The following MSH3 variants were observed in gnomAD, a reference collection of about 807,000 sequenced individuals.
MSH3 encodes mutS homolog 3, also known as DNA mismatch repair protein Msh3.
Under a neutral mutation model 123.3 loss-of-function variants are expected in MSH3, and 106 were observed. The ratio of observed to expected loss-of-function variants is 0.86; its 90% confidence interval spans 0.73 to 1.01. The LOEUF is 1.01. Among genes scored for constraint, MSH3 ranks in the 50% least tolerant of loss-of-function variants. The probability of loss-of-function intolerance (pLI) is 0.00; values close to 1 mark genes in which losing one functional copy is unlikely to be tolerated. For missense variants in MSH3, 1,459 were observed against 1,347.6 expected, an observed-to-expected ratio of 1.08 and a Z score of -1.29; for synonymous variants, 515 against 481.4, an observed-to-expected ratio of 1.07 and a Z score of -0.91.
At chr5:80,666,043 TAA>T (rs1749561016) in intron 3 of MSH3, among the ~76,000 whole-genome samples, 1 of 148,722 alleles carries the variant, frequency 6.7e-6, no homozygotes, top group South Asian at 2.1e-4. Flanking sequence ...GGATATTTTT[TAA>T]AAGTTTACAT....
chr5:80,738,947 A>G (rs1743563368), intron 10 of MSH3, among the ~76,000 whole-genome samples: 2 of 152,354 alleles, frequency 1.3e-5, no homozygotes, highest in South Asian at 2.1e-4. Context: ...AGAAGGTGCC[A>G]TCTATGGGGA....
In MSH3 at chr5:80,674,972, A is replaced by C. The variant is rs1393166444; in HGVS notation, c.1028-11A>C. The C allele has an allele frequency of 6.4e-7, 1 of 1,562,594 alleles. No homozygotes were observed. The highest frequency in any genetic ancestry group is 8.7e-7 in the Non-Finnish European group (1 of 1,143,080). On this transcript the variant is annotated splice_polypyrimidine_tract_variant and intron_variant, in intron 6 of 23. Transcript: ENST00000265081. ...TTTAGCATATAATTATTTTTCTTTA[A>C]TTATTATTAAATGTGAATCCCCTAA...
chr5:80,809,880 A>G (rs1270655417), intron 19 of MSH3, among the ~76,000 whole-genome samples: 1 of 152,182 alleles, frequency 6.6e-6, no homozygotes, highest in Non-Finnish European at 1.5e-5. Context: ...ATGGTGATCC[A>G]TGAAATAACT....
At chr5:80,730,802 G>A (rs1402113711) in intron 10 of MSH3, among the ~76,000 whole-genome samples, 6 of 150,106 alleles carry the variant, frequency 4.0e-5, no homozygotes, top group African/African-American at 1.5e-4. Flanking sequence ...GTTGGGATAA[G>A]GAAACTAACT....
At chr5:80,746,363 C>G in intron 12 of MSH3, 2 of 393,724 alleles carry the variant, frequency 5.1e-6, no homozygotes, top group South Asian at 3.9e-5. Context: ...CGCTGGTTCG[C>G]TTGGCATACC....
At chr5:80,677,799 A>G (rs190826240) in intron 7 of MSH3, among the ~76,000 whole-genome samples, 1 of 152,300 alleles carries the variant, frequency 6.6e-6, no homozygotes, top group Non-Finnish European at 1.5e-5. Flanking sequence ...ACCATTTTGT[A>G]TGTGAGATTT....
intron 9 of MSH3, among the ~76,000 whole-genome samples, chr5:80,728,069 GT>G (rs1743335899): frequency 2.0e-5 from 3 of 152,282 alleles, no homozygotes; most frequent in Admixed American, 2.0e-4. Flanking sequence ...AGAACATTAG[GT>G]GAGCTCAGAA....
chr5:80,657,272 C>T (rs946694086), intron 2 of MSH3, among the ~76,000 whole-genome samples: 1 of 152,124 alleles, frequency 6.6e-6, no homozygotes, highest in Admixed American at 6.5e-5. Context: ...GAAATCCCAT[C>T]TCCACTAAAA....
chr5:80,809,525 C>T (rs780335723), intron 19 of MSH3, among the ~76,000 whole-genome samples: 1 of 151,976 alleles, frequency 6.6e-6, no homozygotes, highest in South Asian at 2.1e-4. Flanking sequence ...TCTAAACTAC[C>T]GATTTAAAAA....
At chr5:80,767,557 T>A (rs562207168) in intron 13 of MSH3, among the ~76,000 whole-genome samples, 3 of 152,284 alleles carry the variant, frequency 2.0e-5, no homozygotes, top group Non-Finnish European at 4.4e-5. Context: ...CATCTTTTTC[T>A]TGTCAATTTG....
chr5:80,799,282 G>A (rs1204104187), intron 19 of MSH3, among the ~76,000 whole-genome samples: 1 of 152,010 alleles, frequency 6.6e-6, no homozygotes, highest in Non-Finnish European at 1.5e-5. Context: ...GTTCACCTTG[G>A]GTTAAAAGTG....
At chr5:80,821,700 C>A in intron 20 of MSH3, among the ~76,000 whole-genome samples, 1 of 152,206 alleles carries the variant, frequency 6.6e-6, no homozygotes, top group East Asian at 1.9e-4. Flanking sequence ...TGTGTCCCTG[C>A]ATATTCTTAC....
Position 80,735,213 on chromosome 5 carries a change from G to A in MSH3, c.1568+6248G>A, listed in dbSNP as rs139263042. On this transcript the variant is annotated intron_variant, in intron 10 of 23. Transcript: ENST00000265081. Reference sequence around the variant, plus strand: ...AGCCTTGCCAACATGGCGAAACCCCGTCTCTACTGAAAATACAAAAATTAG... The same window carrying A: ...AGCCTTGCCAACATGGCGAAACCCCATCTCTACTGAAAATACAAAAATTAG... 1.9e-3 allele frequency among the ~76,000 whole-genome samples: 292 copies of A among 151,822 alleles called. 2 individuals are homozygous for A. Among genetic ancestry groups the A allele is most frequent in the African/African-American group, 6.0e-3 (249 of 41,396 alleles).
chr5:80,868,321 A>G (rs1746140012), intron 22 of MSH3, among the ~76,000 whole-genome samples: 1 of 151,992 alleles, frequency 6.6e-6, no homozygotes. Context: ...ATGCACACGT[A>G]TGTTCATTGC....
At chr5:80,789,083 C>A (rs1744564685) in intron 18 of MSH3, among the ~76,000 whole-genome samples, 1 of 152,156 alleles carries the variant, frequency 6.6e-6, no homozygotes, top group African/African-American at 2.4e-5. Context: ...GAAAAAATCA[C>A]TTAAAATTTT....
intron 22 of MSH3, 70 bp from the exon 23 acceptor site, chr5:80,873,046 T>A: frequency 2.3e-6 from 3 of 1,321,766 alleles, no homozygotes; most frequent in Non-Finnish European, 3.3e-6. Context: ...AGAACTTACA[T>A]GTCCTTTTTA....
intron 23 of MSH3, among the ~76,000 whole-genome samples, chr5:80,875,315 A>G (rs33003): frequency 0.61 from 91,367 of 149,794 alleles, 28,197 homozygotes; most frequent in Non-Finnish European, 0.69. Context: ...TATTCTGCAG[A>G]AAAAAAAAAA....
At position 80,711,154 on chromosome 5, in the gene MSH3, A is replaced by G. The variant is rs7723187; in HGVS notation, c.1341-14299A>G. 7.5e-3 allele frequency among the ~76,000 whole-genome samples: 1,143 copies of G among 152,362 alleles called. 15 individuals carry two copies. The highest frequency in any genetic ancestry group is 0.025 in the African/African-American group (1,041 of 41,574). ...AGTATAGACTTTCTGCCTTATGGTA[A>G]TACCTCCTGTCTCTCTTAGCCTTTT... On this transcript the variant is annotated intron_variant, in intron 8 of 23. Coordinates refer to ENST00000265081, the MANE Select transcript of MSH3 (RefSeq NM_002439.5).
chr5:80,664,462 A>G (rs1749517873), intron 2 of MSH3, among the ~76,000 whole-genome samples: 1 of 148,066 alleles, frequency 6.8e-6, no homozygotes, highest in African/African-American at 2.5e-5. Flanking sequence ...GGATCTCAGC[A>G]TACATTGTGT....
Sources: allele counts gnomAD v4.1 joint callset (sites outside exome capture counted in the v4.1 genomes callset), GRCh38; gene constraint gnomAD v4.1.1; transcripts MANE v1.5; gene names NCBI Gene and HGNC (gene_info 2026-07-23, HGNC 2026-07-21).